FCHO2: variants seen among roughly 807,000 people sequenced by gnomAD.
FCHO2 encodes FCH and mu domain containing endocytic adaptor 2, also known as F-BAR domain only protein 2.
Under a neutral mutation model 114.1 loss-of-function variants are expected in FCHO2, and 43 were observed. The observed-to-expected ratio is 0.38, with a 90% CI of 0.30 to 0.49. The LOEUF (loss-of-function observed/expected upper bound fraction) is 0.49. Among genes scored for constraint, FCHO2 ranks in the 20% least tolerant of loss-of-function variants. The pLI is 0.97. For missense variants in FCHO2, 807 were observed against 950.4 expected, an observed-to-expected ratio of 0.85 and a Z score of 1.98; for synonymous variants, 293 against 315.2, an observed-to-expected ratio of 0.93 and a Z score of 0.75.
chr5:73,087,487 T>G, intron 24 of FCHO2, 102 bp from the exon 25 acceptor site: 1 of 1,299,480 alleles, frequency 7.7e-7, no homozygotes, highest in Non-Finnish European at 1.1e-6. Context: ...ATCTAATGAA[T>G]GTAGCACAGG....
intron 13 of FCHO2, chr5:73,052,743 T>G (rs1032032051): frequency 1.6e-5 from 6 of 368,266 alleles, no homozygotes; most frequent in Non-Finnish European, 2.9e-5. Flanking sequence ...TCATAAACAG[T>G]GCTGTGTGTC....
chr5:73,064,063 T>A, intron 18 of FCHO2, 119 bp downstream of exon 18: 1 of 937,490 alleles, frequency 1.1e-6, no homozygotes, highest in Non-Finnish European at 1.6e-6. Context: ...GTCCTCACAG[T>A]ATAGAAAAAT....
chr5:73,018,523 CTTTT>C (rs70973220), intron 8 of FCHO2, among the ~76,000 whole-genome samples: 1 of 132,106 alleles, frequency 7.6e-6, no homozygotes. Context: ...TAACTTTCTT[CTTTT>C]TTTTTTTTTT....
intron 10 of FCHO2, among the ~76,000 whole-genome samples, 169 bp downstream of exon 10, chr5:73,037,384 C>G (rs1580144659): frequency 7.0e-6 from 1 of 142,454 alleles, no homozygotes; most frequent in Non-Finnish European, 1.6e-5. Context: ...GCCAATTCCT[C>G]TGGTTTTAGA....
intron 2 of FCHO2, among the ~76,000 whole-genome samples, chr5:72,971,663 C>G (rs1283480580): frequency 2.0e-5 from 3 of 152,120 alleles, no homozygotes; most frequent in African/African-American, 7.2e-5. Flanking sequence ...CCTGTTCACT[C>G]TAATGGTAGT....
intron 21 of FCHO2, among the ~76,000 whole-genome samples, chr5:73,077,977 T>C (rs562215212): frequency 3.9e-5 from 6 of 152,338 alleles, no homozygotes; most frequent in Admixed American, 1.3e-4. Context: ...CTAATAGTTA[T>C]TTTAAGATTC....
At chr5:73,029,257 A>G (rs1400510181) in intron 8 of FCHO2, among the ~76,000 whole-genome samples, 1 of 152,192 alleles carries the variant, frequency 6.6e-6, no homozygotes, top group Non-Finnish European at 1.5e-5. Flanking sequence ...ACTAACATGG[A>G]GAATGCTTAT....
chr5:73,014,746 C>G (rs1755209960), intron 6 of FCHO2, among the ~76,000 whole-genome samples: 1 of 151,936 alleles, frequency 6.6e-6, no homozygotes, highest in African/African-American at 2.4e-5. Flanking sequence ...TTCTGGGTCT[C>G]CTAATTTTCT....
At chr5:73,015,577 T>C (rs896020129) in intron 6 of FCHO2, 49 bp from the exon 7 acceptor site, 1 of 1,077,558 alleles carries the variant, frequency 9.3e-7, no homozygotes, top group Non-Finnish European at 1.4e-6. Flanking sequence ...AATATATATG[T>C]ATGTACCTGT....
At chr5:72,962,090 A>C (rs933887749) in intron 1 of FCHO2, among the ~76,000 whole-genome samples, 3 of 152,214 alleles carry the variant, frequency 2.0e-5, no homozygotes, top group Admixed American at 6.5e-5. Context: ...TTATAAAATT[A>C]TAGTGTTTTA....
At chr5:73,027,996 G>A (rs1756032321) in intron 8 of FCHO2, among the ~76,000 whole-genome samples, 1 of 152,104 alleles carries the variant, frequency 6.6e-6, no homozygotes, top group Admixed American at 6.5e-5. Context: ...CCAGGAAGTC[G>A]AGACCAGCCT....
intron 20 of FCHO2, among the ~76,000 whole-genome samples, chr5:73,075,625 T>C (rs1369409492): frequency 6.6e-6 from 1 of 152,116 alleles, no homozygotes; most frequent in Non-Finnish European, 1.5e-5. Flanking sequence ...CGCTGGTTGC[T>C]GTATGGAGAA....
At chr5:73,086,490 T>C (rs1253821745) in intron 24 of FCHO2, among the ~76,000 whole-genome samples, 1 of 152,230 alleles carries the variant, frequency 6.6e-6, no homozygotes, top group African/African-American at 2.4e-5. Flanking sequence ...ATTTGCTCTA[T>C]CCAGAAACCT....
intron 15 of FCHO2, 144 bp downstream of exon 15, chr5:73,054,693 A>G (rs1757501354): frequency 3.4e-6 from 2 of 583,308 alleles, no homozygotes; most frequent in Non-Finnish European, 2.9e-6. Context: ...ATTATTTTAA[A>G]TAGAAAACAG....
At chr5:73,026,116 A>T (rs564578264) in intron 8 of FCHO2, among the ~76,000 whole-genome samples, 2 of 152,254 alleles carry the variant, frequency 1.3e-5, no homozygotes, top group East Asian at 3.9e-4. Flanking sequence ...AAAGGCAAGG[A>T]TCGAGGTAGA....
chr5:73,024,619 A>G (rs957059471), intron 8 of FCHO2, among the ~76,000 whole-genome samples: 1 of 151,470 alleles, frequency 6.6e-6, no homozygotes, highest in African/African-American at 2.4e-5. Context: ...TTGTATTTTT[A>G]GTAGAGACGG....
Position 73,077,492 on chromosome 5 carries a change from AG to A in FCHO2, c.1847+1del. 1.9e-6 allele frequency: 3 copies of A among 1,592,046 alleles called. No individual in the cohort carries two copies. Among genetic ancestry groups the A allele is most frequent in the Non-Finnish European group, 2.6e-6 (3 of 1,168,712 alleles). On this transcript the variant is annotated frameshift_variant and splice_region_variant, in exon 21 of 26. Transcript: ENST00000430046. LOFTEE classifies it high-confidence loss of function. ...TCTTCCAAATGCACAGCTTGTGTTC[AG>A]GTTTGTGTACTTTTTGTTTTGAAGG... ...QILPNAQLVFSDPSQCDSNTK... is the reference protein window; with the variant it reads ...QILPNAQLVFXDPSQCDSNTK...
intron 11 of FCHO2, among the ~76,000 whole-genome samples, chr5:73,050,769 G>T (rs968036103): frequency 6.6e-6 from 1 of 152,138 alleles, no homozygotes; most frequent in African/African-American, 2.4e-5. Flanking sequence ...ATCAGATCCA[G>T]GTTCAAGTTT....
At chr5:73,076,802 G>T (rs1172342977) in intron 20 of FCHO2, among the ~76,000 whole-genome samples, 2 of 152,138 alleles carry the variant, frequency 1.3e-5, no homozygotes, top group Non-Finnish European at 2.9e-5. Context: ...GCTAGGAAAA[G>T]ACCAAAAGAA....
Sources: allele counts gnomAD v4.1 joint callset (sites outside exome capture counted in the v4.1 genomes callset), GRCh38; gene constraint gnomAD v4.1.1; transcripts MANE v1.5; gene names NCBI Gene and HGNC (gene_info 2026-07-23, HGNC 2026-07-21).